The following EBI3 variants were observed in gnomAD, a reference collection of about 807,000 sequenced individuals.
EBI3 encodes the protein Epstein-Barr virus induced 3, also known as interleukin-27 subunit beta.
EBI3 carries 19 observed loss-of-function variants against 21.3 expected under a neutral mutation model. The ratio of observed to expected loss-of-function variants is 0.89; its 90% CI spans 0.62 to 1.31. EBI3 has a LOEUF of 1.31. Among genes scored for constraint, EBI3 ranks in the 50% most tolerant of loss-of-function variants. The pLI, the probability that EBI3 is intolerant of heterozygous loss-of-function variation, is 0.00. For synonymous variants in EBI3, 154 were observed against 131.2 expected (o/e 1.17, Z -1.19); for missense variants, 331 against 314.0 (o/e 1.05, Z -0.41).
rs529388030 is a variant in EBI3, at chr19:4,236,955, C to A, written c.557C>A (p.Thr186Lys). 1.3e-6 allele frequency: 2 copies of A among 1,510,262 alleles called. No individual in the cohort carries two copies. The highest frequency in any genetic ancestry group is 2.6e-5 in the South Asian group (2 of 77,088). 93.6% of individuals were successfully genotyped at this position (1,510,262 alleles called of 1,614,324 possible). A position where few individuals can be genotyped will look rare whatever the true frequency, so the allele number is the denominator to read the frequency against. ...RFHRVGPIEATSFILRAVRPR... is the reference protein window; with the variant it reads ...RFHRVGPIEAKSFILRAVRPR... Reference sequence around the variant, plus strand: ...TCTCAGGTGGGGCCCATTGAAGCCACGTCCTTCATCCTCAGGGCTGTGCGG... The same window carrying A: ...TCTCAGGTGGGGCCCATTGAAGCCAAGTCCTTCATCCTCAGGGCTGTGCGG... The change falls in exon 5 of 5, where the codon ACG becomes AAG. Residue 186 changes from threonine to lysine, a missense_variant. Coordinates refer to ENST00000221847, the MANE Select transcript of EBI3 (RefSeq NM_005755.3).
At chr19:4,232,793 A>C (rs141664229) in intron 2 of EBI3, among the ~76,000 whole-genome samples, 1 of 62,774 alleles carries the variant, frequency 1.6e-5, no homozygotes, top group African/African-American at 1.0e-4. Flanking sequence ...TGAATGAAGG[A>C]ATGAATTAAT....
In EBI3 at chr19:4,233,314, G is replaced by A. The variant is rs371471073; in HGVS notation, c.379+7G>A. 6.9e-6 allele frequency: 11 copies of A among 1,587,010 alleles called. No individual in the cohort carries two copies. The highest frequency in any genetic ancestry group is 3.5e-5 in the Admixed American group (2 of 56,852). ...TTCATAACAGAGCACATCAGTGAGT[G>A]GGGGCGGCAGTGGGGGCGGGGGCGG... On this transcript the variant is annotated splice_region_variant and intron_variant, in intron 3 of 4. Transcript: ENST00000221847.
chr19:4,232,763 TGAAGGAATGAATTAATGAATGAATGAAG>T lies in EBI3; in HGVS notation c.201-362_201-335del, dbSNP rs1432443372. On this transcript the variant is annotated intron_variant, in intron 2 of 4. Transcript: ENST00000221847. ...ATGAAGGGATGAATTAATGAATGAA[TGAAGGAATGAATTAATGAATGAATGAAG>T]GAATGAATTAATGAATGAATGAACG... 3.1e-4 allele frequency among the ~76,000 whole-genome samples: 11 copies of T among 35,924 alleles called. No homozygotes were observed. The African/African-American group carries it at 3.4e-3, about 11-fold the overall frequency. The allele number at this position is 35,924 out of a possible 152,430, so 23.6% of individuals were successfully genotyped here.
intron 2 of EBI3, among the ~76,000 whole-genome samples, chr19:4,232,001 C>T (rs941113877): frequency 1.3e-5 from 2 of 150,766 alleles, no homozygotes; most frequent in African/African-American, 4.9e-5. Flanking sequence ...CCGAGGTGGG[C>T]GGATCACAAG....
chr19:4,231,168 T>A (rs78593442), intron 1 of EBI3, 23 bp from the exon 2 acceptor site: 621 of 1,542,790 alleles, frequency 4.0e-4, no homozygotes, highest in Middle Eastern at 7.3e-4. Flanking sequence ...AACCAGAAGC[T>A]CACTCTTTCT....
At chr19:4,232,671 C>CT (rs1443402667) in intron 2 of EBI3, among the ~76,000 whole-genome samples, 1 of 152,056 alleles carries the variant, frequency 6.6e-6, no homozygotes, top group East Asian at 1.9e-4. Flanking sequence ...CTATAATGAG[C>CT]TAGGATCATG....
At position 4,233,192 on chromosome 19, in the gene EBI3, CTGCACCATCACGGA is replaced by C; in HGVS notation, c.267_280del (p.Thr90ProfsTer48). The stretch of plus-strand genomic sequence containing the variant: ...TGCAGCAGACGCCAACGTCCACCAG[CTGCACCATCACGGA>C]TGTCCAGCTGTTCTCCATGGCTCCC... On this transcript the variant is annotated frameshift_variant, in exon 3 of 5. Transcript: ENST00000221847. LOFTEE classifies it high-confidence loss of function. 6.2e-7 allele frequency: 1 copy of C among 1,611,632 alleles called. No individual in the cohort carries two copies.
chr19:4,234,830 G>A lies in EBI3; in HGVS notation c.537+6G>A, dbSNP rs1447076069. The A allele has an allele frequency of 2.5e-6, 4 of 1,613,330 alleles. No individual in the cohort carries two copies. The highest frequency in any genetic ancestry group is 1.1e-5 in the South Asian group (1 of 91,056). On this transcript the variant is annotated splice_donor_region_variant and intron_variant, in intron 4 of 4. Transcript: ENST00000221847. ...GAGCTGCGCGCTTCCACCGGGTGAG[G>A]AGGATGAGGGGGAGGCTGGAAAGGG...
chr19:4,236,377 C>G (rs1281297149), intron 4 of EBI3, among the ~76,000 whole-genome samples: 1 of 151,442 alleles, frequency 6.6e-6, no homozygotes, highest in Non-Finnish European at 1.5e-5. Flanking sequence ...CAAAAATTAG[C>G]CAGGCATGGT....
intron 4 of EBI3, 59 bp from the exon 5 acceptor site, chr19:4,236,877 G>T: frequency 6.9e-7 from 1 of 1,452,782 alleles, no homozygotes. Flanking sequence ...GTGGTTCTGT[G>T]CACAGTGGCC....
chr19:4,232,550 C>CA (rs200138074), intron 2 of EBI3, among the ~76,000 whole-genome samples: 1 of 142,916 alleles, frequency 7.0e-6, no homozygotes, highest in Non-Finnish European at 1.5e-5. Flanking sequence ...AGACCCCCCC[C>CA]CATCTGTAGA....
rs141284610 is a variant in EBI3 at position 4,230,734 on chromosome 19, A to C, written c.68-457A>C. Among the ~76,000 whole-genome samples the C allele has an allele frequency of 5.3e-4, 80 of 152,182 alleles. 1 individual carries two copies. The East Asian group carries it at 0.01, about 19-fold the overall frequency. On this transcript the variant is annotated intron_variant, in intron 1 of 4. Transcript: ENST00000221847. The stretch of plus-strand genomic sequence containing the variant: ...CTCCCTCTCTACTAAAAATACAAAA[A>C]TTAGCCAAGCGTGGCAGTACATGCC...
rs1970819325 is a variant in EBI3 at position 4,234,582 on chromosome 19, C to T, written c.380-85C>T. On this transcript the variant is annotated intron_variant, in intron 3 of 4. Coordinates refer to ENST00000221847, the MANE Select transcript of EBI3 (RefSeq NM_005755.3). Reference sequence around the variant, plus strand: ...CGTTTCAAAACAAACAAAATATATACATAATATGTTGGTTGAATGAATGAG... The same window carrying T: ...CGTTTCAAAACAAACAAAATATATATATAATATGTTGGTTGAATGAATGAG... 3.3e-6 allele frequency: 5 copies of T among 1,532,528 alleles called. No homozygotes were observed. In the Admixed American group the frequency reaches 5.9e-5, roughly 18 times the overall value. 94.9% of individuals were successfully genotyped at this position (1,532,528 alleles called of 1,614,324 possible). A position where few individuals can be genotyped will look rare whatever the true frequency, so the allele number is the denominator to read the frequency against.
At chr19:4,233,439 C>A in intron 3 of EBI3, 132 bp downstream of exon 3, 2 of 1,045,186 alleles carry the variant, frequency 1.9e-6, no homozygotes, top group African/African-American at 1.6e-5. Context: ...ACCCCTTCTT[C>A]CCCCTCCTCT....
chr19:4,231,473 G>T, intron 2 of EBI3, 150 bp downstream of exon 2: 2 of 1,239,104 alleles, frequency 1.6e-6, no homozygotes, highest in South Asian at 4.0e-5. Context: ...CCGTCCAATA[G>T]AAATATACTT....
At chr19:4,231,712 A>G (rs1390221169) in intron 2 of EBI3, among the ~76,000 whole-genome samples, 2 of 146,834 alleles carry the variant, frequency 1.4e-5, no homozygotes, top group Non-Finnish European at 3.0e-5. Context: ...CGGAGGTTGC[A>G]GTGAGCCAAG....
rs771798955 is a variant in EBI3 at position 4,229,600 on chromosome 19, C to T, written c.50C>T (p.Pro17Leu). The change falls in exon 1 of 5, where the codon CCC (proline) becomes CTC (leucine). Residue 17 changes from proline to leucine, a missense_variant. Physicochemically the swap from Pro to Leu is moderately conservative, Grantham distance 98 (BLOSUM62 -3). Transcript: ENST00000221847. ...CTTGTCCTCTGGGCCAGCTGCCCGC[C>T]CTGCAGTGGAAGGAAAGGTATGTGG... ...LALVLWASCP[P>L]CSGRKGPPAA... is the part of the protein sequence containing the mutation. 6.2e-7 allele frequency: 1 copy of T among 1,609,586 alleles called. No homozygotes were observed. The highest frequency in any genetic ancestry group is 8.5e-7 in the Non-Finnish European group (1 of 1,178,326).
Position 4,237,139 on chromosome 19 carries a change from G to GC in EBI3, c.*55dup, listed in dbSNP as rs765896759. The stretch of plus-strand genomic sequence containing the variant: ...AGCACCTGGGTCCTCGCCACCCTAA[G>GC]CCCCGGGACACCTGTTGGAGGGCGG... On this transcript the variant is annotated 3_prime_UTR_variant, in exon 5 of 5. Coordinates refer to ENST00000221847, the MANE Select transcript of EBI3 (RefSeq NM_005755.3). 3.6e-6 allele frequency: 5 copies of GC among 1,405,998 alleles called. No individual in the cohort carries two copies. Among genetic ancestry groups the GC allele is most frequent in the Non-Finnish European group, 4.7e-6 (5 of 1,070,044 alleles). 87.1% of individuals were successfully genotyped at this position (1,405,998 alleles called of 1,614,324 possible).
At chr19:4,235,082 A>C (rs1970825283) in intron 4 of EBI3, among the ~76,000 whole-genome samples, 1 of 152,146 alleles carries the variant, frequency 6.6e-6, no homozygotes, top group Admixed American at 6.6e-5. Context: ...GCAGTGACAC[A>C]ATCTCGGCTC....
Sources: allele counts gnomAD v4.1 joint callset (sites outside exome capture counted in the v4.1 genomes callset), GRCh38; gene constraint gnomAD v4.1.1; transcripts MANE v1.5; gene names NCBI Gene and HGNC (gene_info 2026-07-23, HGNC 2026-07-21).